PRIMA1: variants seen among roughly 807,000 people sequenced by gnomAD.
PRIMA1 encodes proline rich membrane anchor 1.
In PRIMA1, 7 loss-of-function variants were observed where a neutral mutation model predicts 17.5. The ratio of observed to expected loss-of-function variants is 0.40; its 90% confidence interval spans 0.23 to 0.75. PRIMA1 has a LOEUF of 0.75. PRIMA1 is among the 30% of genes least tolerant of loss of function. PRIMA1 has a pLI of 0.37. For synonymous variants in PRIMA1, 97 were observed against 77.9 expected (o/e 1.25, Z -1.29); for missense variants, 200 against 201.8 (o/e 0.99, Z 0.05).
At chr14:93,722,818 T>A (rs1170291153) in intron 4 of PRIMA1, among the ~76,000 whole-genome samples, 2 of 1,410 alleles carry the variant, frequency 1.4e-3, no homozygotes, top group East Asian at 4.6e-3. Context: ...ATGATAGTGA[T>A]GGTAATGGCA....
At chr14:93,782,164 A>G (rs896752812) in intron 2 of PRIMA1, among the ~76,000 whole-genome samples, 1 of 151,964 alleles carries the variant, frequency 6.6e-6, no homozygotes. Flanking sequence ...GCTACTCGGG[A>G]GGCTGAGGCA....
intron 3 of PRIMA1, among the ~76,000 whole-genome samples, chr14:93,775,941 C>A (rs372550993): frequency 6.6e-6 from 1 of 152,358 alleles, no homozygotes; most frequent in African/African-American, 2.4e-5. Flanking sequence ...ATCCCATAAG[C>A]CACCATGATT....
chr14:93,786,382 G>C (rs1885523858), intron 2 of PRIMA1, among the ~76,000 whole-genome samples: 2 of 152,168 alleles, frequency 1.3e-5, no homozygotes, highest in South Asian at 4.1e-4. Context: ...GGGAGTAGGG[G>C]GTGCTGAGCA....
intron 3 of PRIMA1, among the ~76,000 whole-genome samples, chr14:93,743,702 G>A (rs1184217216): frequency 6.6e-6 from 1 of 152,220 alleles, no homozygotes; most frequent in African/African-American, 2.4e-5. Flanking sequence ...AACCAGTGTG[G>A]GCCTGGTGAC....
chr14:93,773,518 C>A (rs140861642), intron 3 of PRIMA1, among the ~76,000 whole-genome samples: 22 of 152,226 alleles, frequency 1.4e-4, no homozygotes, highest in South Asian at 4.1e-4. Context: ...GCTCTCCAGG[C>A]GCTTCCGATA....
chr14:93,748,423 T>C (rs1327190841), intron 3 of PRIMA1, among the ~76,000 whole-genome samples: 1 of 151,834 alleles, frequency 6.6e-6, no homozygotes, highest in African/African-American at 2.4e-5. Flanking sequence ...AGCAACGCAG[T>C]GTGTGGAAAG....
intron 3 of PRIMA1, among the ~76,000 whole-genome samples, chr14:93,738,243 T>C (rs550862982): frequency 1.3e-5 from 2 of 152,230 alleles, no homozygotes; most frequent in South Asian, 4.2e-4. Flanking sequence ...CAGGCTGTCT[T>C]GGGGTGGACC....
At chr14:93,739,967 G>C (rs1481257907) in intron 3 of PRIMA1, among the ~76,000 whole-genome samples, 1 of 152,108 alleles carries the variant, frequency 6.6e-6, no homozygotes, top group Non-Finnish European at 1.5e-5. Context: ...TCAGGAGGCT[G>C]AGGCAGAAGA....
intron 4 of PRIMA1, among the ~76,000 whole-genome samples, chr14:93,734,994 G>A (rs1256389272): frequency 6.6e-6 from 1 of 152,172 alleles, no homozygotes; most frequent in Non-Finnish European, 1.5e-5. Context: ...CTGCCCTAGT[G>A]AGCTATTAAT....
intron 3 of PRIMA1, among the ~76,000 whole-genome samples, chr14:93,742,743 T>C (rs1202930713): frequency 1.3e-5 from 2 of 152,122 alleles, no homozygotes; most frequent in Non-Finnish European, 2.9e-5. Context: ...TCAGAGGAGA[T>C]GATGGAGGCA....
At chr14:93,778,401 G>A (rs1174021838) in intron 3 of PRIMA1, among the ~76,000 whole-genome samples, 2 of 152,196 alleles carry the variant, frequency 1.3e-5, no homozygotes, top group Non-Finnish European at 2.9e-5. Flanking sequence ...GGCTGGAAAC[G>A]CAGCCTACCA....
Position 93,726,686 on chromosome 14 carries a change from T to C in PRIMA1, c.360-5140A>G, listed in dbSNP as rs2076078815. Among the ~76,000 whole-genome samples, 1 of 152,042 alleles carries C rather than the reference T, an allele frequency of 6.6e-6. No homozygotes were observed. The highest frequency in any genetic ancestry group is 2.4e-5 in the African/African-American group (1 of 41,374). On this transcript the variant is annotated intron_variant, in intron 4 of 4. Coordinates refer to ENST00000393140, the MANE Select transcript of PRIMA1 (RefSeq NM_178013.4). This position sits in a 1 kb window ranked among gnomAD's most constrained non-coding sequence, Gnocchi z 4.2. ...ATATACACATACACATAGACACATGTACATATGCACAAACCCATACAAACA... is the reference window on the plus strand; with the variant it reads ...ATATACACATACACATAGACACATGCACATATGCACAAACCCATACAAACA...
chr14:93,761,729 G>A (rs1339603241), intron 3 of PRIMA1, among the ~76,000 whole-genome samples: 23 of 152,052 alleles, frequency 1.5e-4, no homozygotes, highest in Admixed American at 1.5e-3. Context: ...CTCTCCCACA[G>A]CATCTGGCCC....
intron 3 of PRIMA1, among the ~76,000 whole-genome samples, chr14:93,761,130 G>A (rs901464830): frequency 1.3e-5 from 2 of 151,948 alleles, no homozygotes; most frequent in African/African-American, 4.8e-5. Flanking sequence ...TGGATCACTT[G>A]AGGCTAGGAG....
At chr14:93,771,961 GGCA>G in intron 3 of PRIMA1, among the ~76,000 whole-genome samples, 5 of 152,300 alleles carry the variant, frequency 3.3e-5, no homozygotes, top group Admixed American at 3.3e-4. Flanking sequence ...TCTCCAGCTG[GGCA>G]GCCTAGAATA....
upstream of PRIMA1, among the ~76,000 whole-genome samples, chr14:93,788,853 C>T (rs1044840973): frequency 1.3e-5 from 2 of 151,800 alleles, no homozygotes; most frequent in African/African-American, 4.8e-5. Flanking sequence ...GAGCCCTCCC[C>T]GGGCCCGCGT....
intron 3 of PRIMA1, among the ~76,000 whole-genome samples, chr14:93,752,842 GC>G (rs1458443871): frequency 2.6e-5 from 4 of 152,232 alleles, no homozygotes; most frequent in Non-Finnish European, 5.9e-5. Context: ...GACATCAAAT[GC>G]CCATCTGCCC....
chr14:93,771,140 A>G (rs962702278), intron 3 of PRIMA1, among the ~76,000 whole-genome samples: 41 of 151,628 alleles, frequency 2.7e-4, no homozygotes, highest in Non-Finnish European at 4.1e-4. Context: ...ATGTGCACGT[A>G]TGTGTGTGTG....
At chr14:93,762,158 G>T (rs910921888) in intron 3 of PRIMA1, among the ~76,000 whole-genome samples, 2 of 152,038 alleles carry the variant, frequency 1.3e-5, no homozygotes, top group African/African-American at 2.4e-5. Flanking sequence ...GGTGGGGCCG[G>T]CCCCACCTTC....
Sources: allele counts gnomAD v4.1 joint callset (sites outside exome capture counted in the v4.1 genomes callset), GRCh38; gene constraint gnomAD v4.1.1; non-coding constraint Gnocchi (gnomAD v3.1); transcripts MANE v1.5; gene names NCBI Gene and HGNC (gene_info 2026-07-23, HGNC 2026-07-21).